The following SEC14L1 variants were observed in gnomAD, a reference collection of about 807,000 sequenced individuals.
The protein encoded by SEC14L1 is SEC14 like lipid binding 1.
SEC14L1 carries 48 observed loss-of-function variants against 85.3 expected under a neutral mutation model. The ratio of observed to expected loss-of-function variants is 0.56; its 90% CI spans 0.45 to 0.72. The LOEUF is 0.72. Among genes scored for constraint, SEC14L1 ranks in the 30% least tolerant of loss-of-function variants. The pLI is 0.00. For missense variants in SEC14L1, 682 were observed against 921.4 expected (o/e 0.74, Z 3.36); for synonymous variants, 391 against 355.5 (o/e 1.10, Z -1.12).
chr17:77,107,392 G>A lies in SEC14L1; in HGVS notation c.-136+14045G>A, dbSNP rs576386546. On this transcript the variant is annotated intron_variant, in intron 3 of 19. Transcript: ENST00000392476. ...CAGCTATTGAGCGCTGGGTAGGAACGAAAAGAAAGAGTCTCCTTCGTGTAG... is the reference window on the plus strand; with the variant it reads ...CAGCTATTGAGCGCTGGGTAGGAACAAAAAGAAAGAGTCTCCTTCGTGTAG... Among the ~76,000 whole-genome samples, 18 of 152,228 alleles carry A rather than the reference G, an allele frequency of 1.2e-4. No homozygotes were observed. The South Asian group carries it at 3.7e-3, about 32-fold the overall frequency.
At chr17:77,152,074 C>T (rs111689956) in intron 3 of SEC14L1, among the ~76,000 whole-genome samples, 4,489 of 152,224 alleles carry the variant, frequency 0.029, 231 homozygotes, top group African/African-American at 0.1. Context: ...CTCCTGGGCT[C>T]AAGGAGCCCT....
At chr17:77,142,471 T>A (rs1240788332) in intron 1 of SEC14L1, among the ~76,000 whole-genome samples, 175 bp from the exon 2 acceptor site, 1 of 148,378 alleles carries the variant, frequency 6.7e-6, no homozygotes, top group Non-Finnish European at 1.5e-5. Flanking sequence ...GGCAGGAGGA[T>A]CACTTGAGCT....
chr17:77,211,925 C>T (rs750715361), intron 14 of SEC14L1, 25 bp from the exon 15 acceptor site: 1 of 1,609,292 alleles, frequency 6.2e-7, no homozygotes, highest in Non-Finnish European at 8.5e-7. Context: ...TGGATCGTGG[C>T]TGCCTAACGC....
chr17:77,157,014 C>CT (rs1172592121), intron 3 of SEC14L1, among the ~76,000 whole-genome samples: 3 of 152,168 alleles, frequency 2.0e-5, no homozygotes, highest in East Asian at 1.9e-4. Context: ...GGTAATCTGA[C>CT]TTTAAGATTT....
intron 3 of SEC14L1, among the ~76,000 whole-genome samples, chr17:77,127,294 T>C (rs1170993771): frequency 6.6e-6 from 1 of 152,202 alleles, no homozygotes; most frequent in Non-Finnish European, 1.5e-5. Context: ...GCTTCATCCA[T>C]GTCCCTGCAA....
intron 3 of SEC14L1, among the ~76,000 whole-genome samples, chr17:77,118,812 AG>A (rs2143393388): frequency 6.6e-6 from 1 of 152,318 alleles, no homozygotes; most frequent in South Asian, 2.1e-4. Context: ...CTGATTATGC[AG>A]GGAGCACAGG....
chr17:77,140,777 C>G (rs889055755), upstream of SEC14L1: 1 of 152,150 alleles, frequency 6.6e-6, no homozygotes, highest in African/African-American at 2.4e-5. Context: ...CCCACGCTCG[C>G]GGGTCGGAGC....
intron 3 of SEC14L1, among the ~76,000 whole-genome samples, chr17:77,109,645 T>A (rs1309611670): frequency 6.6e-6 from 1 of 152,228 alleles, no homozygotes; most frequent in African/African-American, 2.4e-5. Context: ...GATTTTTGTT[T>A]AACACTCTGA....
At chr17:77,109,388 G>A (rs1420964983) in intron 3 of SEC14L1, among the ~76,000 whole-genome samples, 1 of 152,216 alleles carries the variant, frequency 6.6e-6, no homozygotes, top group Non-Finnish European at 1.5e-5. Flanking sequence ...ATAGGCGTGG[G>A]TCACAGAGCC....
chr17:77,211,757 A>T (rs1976761789), intron 14 of SEC14L1, 193 bp from the exon 15 acceptor site: 4 of 677,082 alleles, frequency 5.9e-6, no homozygotes, highest in Non-Finnish European at 1.0e-5. Flanking sequence ...GGTGCATGAC[A>T]TGTAGCAGGA....
rs1231924218 is a variant in SEC14L1, at chr17:77,171,303, C to T, written c.64-19500C>T. On this transcript the variant is annotated intron_variant, in intron 3 of 16. Transcript: ENST00000436233. ...CATTTCCCTCTCATCTGGTAATATT[C>T]GTTTTTCTTCTGAGCTTTCTTTGGC... Among the ~76,000 whole-genome samples, 5 of 152,118 alleles carry T rather than the reference C, an allele frequency of 3.3e-5. No individual in the cohort carries two copies. In the South Asian group the frequency reaches 8.3e-4, roughly 25 times the overall value.
intron 3 of SEC14L1, among the ~76,000 whole-genome samples, chr17:77,162,837 A>AAG (rs1974126690): frequency 6.6e-6 from 1 of 151,938 alleles, no homozygotes; most frequent in Non-Finnish European, 1.5e-5. Flanking sequence ...TCTCAAAAAA[A>AAG]AAAAATGTGT....
In SEC14L1 at chr17:77,187,884, A is replaced by T. The variant is rs952463381; in HGVS notation, c.64-2919A>T. 2.0e-5 allele frequency among the ~76,000 whole-genome samples: 3 copies of T among 151,674 alleles called. No individual in the cohort carries two copies. In the South Asian group the frequency reaches 6.2e-4, roughly 32 times the overall value. On this transcript the variant is annotated intron_variant, in intron 3 of 16. Coordinates refer to ENST00000436233, the MANE Select transcript of SEC14L1 (RefSeq NM_001143998.2). ...GTCAGCCTCCTGAGTAGCTAGAACT[A>T]CAGGCATGTACCACCACACCTGGCT... is the stretch of plus-strand genomic sequence containing the variant.
At chr17:77,092,520 G>A (rs997563529) in intron 2 of SEC14L1, among the ~76,000 whole-genome samples, 1 of 152,070 alleles carries the variant, frequency 6.6e-6, no homozygotes, top group Non-Finnish European at 1.5e-5. Context: ...CTGGAGGGAA[G>A]GGAAGAAAAG....
At position 77,120,431 on chromosome 17, in the gene SEC14L1, G is replaced by A. The variant is rs191445009; in HGVS notation, c.-135-22215G>A. Reference sequence around the variant, plus strand: ...GTGTTCTACTCCCCAACTAGGGAATGCATCCACAACCTGAGGCTGCCCCGG... The same window carrying A: ...GTGTTCTACTCCCCAACTAGGGAATACATCCACAACCTGAGGCTGCCCCGG... On this transcript the variant is annotated intron_variant, in intron 3 of 19. Transcript: ENST00000392476. 8.8e-4 allele frequency among the ~76,000 whole-genome samples: 133 copies of A among 151,958 alleles called. 1 individual carries two copies. Among genetic ancestry groups the A allele is most frequent in the Admixed American group, 1.3e-3 (20 of 15,236 alleles).
chr17:77,097,576 T>TA (rs530432126), intron 3 of SEC14L1, among the ~76,000 whole-genome samples: 1 of 69,884 alleles, frequency 1.4e-5, no homozygotes, highest in Non-Finnish European at 2.8e-5. Context: ...AAAAAAAATT[T>TA]AAAAAAAAGA....
rs564466623 is a variant in SEC14L1, at chr17:77,150,109, C to G, written c.63+6450C>G. On this transcript the variant is annotated intron_variant, in intron 3 of 16. Transcript: ENST00000436233. ...AGTACAAAAGAATTTGTTTCGCTCT[C>G]CTGCTCCTCTTGCTTTATTTTGTTT... Among the ~76,000 whole-genome samples the G allele has an allele frequency of 2.4e-4, 37 of 152,264 alleles. No homozygotes were observed. The East Asian group carries it at 6.9e-3, about 29-fold the overall frequency.
chr17:77,195,922 T>C (rs1975787749), intron 7 of SEC14L1, among the ~76,000 whole-genome samples: 1 of 152,226 alleles, frequency 6.6e-6, no homozygotes, highest in Admixed American at 6.5e-5. Context: ...TAATATCTAT[T>C]ATAGTCATGA....
At chr17:77,153,451 T>C (rs1973661356) in intron 3 of SEC14L1, among the ~76,000 whole-genome samples, 1 of 152,240 alleles carries the variant, frequency 6.6e-6, no homozygotes, top group South Asian at 2.1e-4. Flanking sequence ...AGGATTGTTC[T>C]ATATAATTTT....
Sources: gnomAD v4.1 joint callset for allele counts (sites outside exome capture counted in the v4.1 genomes callset) on GRCh38, gnomAD v4.1.1 for gene constraint, MANE v1.5 for transcripts, NCBI Gene and HGNC (gene_info 2026-07-23, HGNC 2026-07-21) for gene names.